PKIG: variants seen among roughly 807,000 people sequenced by gnomAD.
PKIG encodes the protein cAMP-dependent protein kinase inhibitor gamma, also known as protein kinase (cAMP-dependent, catalytic) inhibitor gamma.
Under a neutral mutation model 6.8 loss-of-function variants are expected in PKIG, and 1 was observed. That is an observed-to-expected ratio of 0.15 (90% CI 0.05 to 0.69). PKIG has a LOEUF of 0.69. PKIG is among the 30% of genes least tolerant of loss of function. PKIG has a pLI of 0.82. For synonymous variants in PKIG, 39 were observed against 43.0 expected, an observed-to-expected ratio of 0.91 and a Z score of 0.36; for missense variants, 77 against 104.0, an observed-to-expected ratio of 0.74 and a Z score of 1.13.
intron 3 of PKIG, among the ~76,000 whole-genome samples, 197 bp from the exon 4 acceptor site, chr20:44,618,088 A>T (rs999429895): frequency 6.6e-6 from 1 of 152,048 alleles, no homozygotes; most frequent in South Asian, 2.1e-4. Flanking sequence ...AACAAACACT[A>T]TGTGTATTTC....
chr20:44,549,484 G>A (rs2064648526), intron 1 of PKIG, among the ~76,000 whole-genome samples: 1 of 152,076 alleles, frequency 6.6e-6, no homozygotes, highest in South Asian at 2.1e-4. Flanking sequence ...ATCTCCAGTA[G>A]TCATCCAGCC....
intron 1 of PKIG, among the ~76,000 whole-genome samples, chr20:44,555,575 C>T (rs894049907): frequency 3.3e-5 from 5 of 152,128 alleles, no homozygotes; most frequent in Non-Finnish European, 7.4e-5. Flanking sequence ...TTAAGCTCAC[C>T]CACAGTTCTT....
chr20:44,576,704 A>G lies in PKIG; in HGVS notation c.-240-5881A>G, dbSNP rs941530908. Reference sequence around the variant, plus strand: ...ATGCTCCTTTCAGCTGCAAAAATCAATGAGTCCAAGACTGTTTAAAGTTAA... The same window carrying G: ...ATGCTCCTTTCAGCTGCAAAAATCAGTGAGTCCAAGACTGTTTAAAGTTAA... On this transcript the variant is annotated intron_variant, in intron 1 of 4. Coordinates refer to the PKIG transcript ENST00000372887. 2.6e-5 allele frequency among the ~76,000 whole-genome samples: 4 copies of G among 152,300 alleles called. No individual in the cohort carries two copies. In the South Asian group the frequency reaches 6.2e-4, roughly 24 times the overall value.
intron 1 of PKIG, among the ~76,000 whole-genome samples, chr20:44,541,080 G>C (rs548948495): frequency 1.3e-5 from 2 of 152,164 alleles, no homozygotes; most frequent in African/African-American, 4.8e-5. Flanking sequence ...GGAATTCAGC[G>C]GAGGGAGCCA....
intron 1 of PKIG, among the ~76,000 whole-genome samples, chr20:44,554,448 A>G (rs1028333409): frequency 2.0e-5 from 3 of 152,218 alleles, no homozygotes; most frequent in African/African-American, 4.8e-5. Flanking sequence ...GCATATACCT[A>G]TGTAACCAAC....
At chr20:44,588,537 G>T (rs748260821) in intron 1 of PKIG, among the ~76,000 whole-genome samples, 11 of 152,164 alleles carry the variant, frequency 7.2e-5, no homozygotes, top group Non-Finnish European at 1.0e-4. Flanking sequence ...CCAGCTACTT[G>T]GGAGGCTGAG....
chr20:44,574,799 ACC>A (rs2064882407), intron 1 of PKIG, among the ~76,000 whole-genome samples: 1 of 151,880 alleles, frequency 6.6e-6, no homozygotes, highest in Non-Finnish European at 1.5e-5. Flanking sequence ...CGAACTCCTG[ACC>A]TCAGGTGATC....
At chr20:44,571,224 AAATAAT>A (rs140802204) in intron 1 of PKIG, among the ~76,000 whole-genome samples, 6 of 150,196 alleles carry the variant, frequency 4.0e-5, no homozygotes, top group Admixed American at 6.7e-5. Flanking sequence ...AGAGAGACTC[AAATAAT>A]AATAATAATA....
At position 44,614,279 on chromosome 20, in the gene PKIG, T is replaced by C; in HGVS notation, c.-23-255T>C. The C allele has an allele frequency of 2.7e-6, 1 of 376,020 alleles. No homozygotes were observed. The highest frequency in any genetic ancestry group is 4.9e-6 in the Non-Finnish European group (1 of 204,390). The allele number at this position is 376,020 out of a possible 1,614,324, so 23.3% of individuals were successfully genotyped here. On this transcript the variant is annotated intron_variant, in intron 2 of 3. Coordinates refer to ENST00000372886, the MANE Select transcript of PKIG (RefSeq NM_001281445.2). The surrounding 1 kb of genome is among the most constrained non-coding windows in gnomAD (Gnocchi z 4.6). ...GGCGCATGGTATTAATAAATGTGTG[T>C]ACATGTTTGTCAATAATTTTATTTA...
intron 1 of PKIG, among the ~76,000 whole-genome samples, chr20:44,558,648 T>G (rs2064740373): frequency 6.7e-6 from 1 of 148,440 alleles, no homozygotes; most frequent in Admixed American, 6.8e-5. Flanking sequence ...CTTTTTTTCT[T>G]TCTCCTTCCT....
chr20:44,615,618 T>A (rs1246481479), intron 3 of PKIG, among the ~76,000 whole-genome samples: 1 of 149,278 alleles, frequency 6.7e-6, no homozygotes, highest in Non-Finnish European at 1.5e-5. Flanking sequence ...GGCCTTTCCC[T>A]CCTGCTCTCA....
intron 2 of PKIG, among the ~76,000 whole-genome samples, chr20:44,599,678 C>T (rs145785712): frequency 0.036 from 5,495 of 152,094 alleles, 128 homozygotes; most frequent in African/African-American, 0.058. Context: ...GCCAAGATCG[C>T]GCCGCTGCAC....
chr20:44,590,009 G>A (rs2065021868), intron 2 of PKIG, 143 bp downstream of exon 2: 2 of 152,238 alleles, frequency 1.3e-5, no homozygotes, highest in Non-Finnish European at 2.9e-5. Context: ...GAAAAGGCAG[G>A]ATGGCTCTTT....
intron 2 of PKIG, among the ~76,000 whole-genome samples, chr20:44,597,468 C>G (rs1320441009): frequency 1.3e-5 from 2 of 152,140 alleles, no homozygotes; most frequent in Non-Finnish European, 2.9e-5. Flanking sequence ...CTAGTATACA[C>G]TGAGGGATCA....
At chr20:44,550,318 A>G (rs1600844097) in intron 1 of PKIG, among the ~76,000 whole-genome samples, 1 of 152,046 alleles carries the variant, frequency 6.6e-6, no homozygotes, top group Non-Finnish European at 1.5e-5. Flanking sequence ...TATTGTAGTG[A>G]TGATACCGGC....
chr20:44,572,772 A>G (rs2123298647), intron 1 of PKIG, among the ~76,000 whole-genome samples: 1 of 152,248 alleles, frequency 6.6e-6, no homozygotes. Flanking sequence ...CACCAAGCTC[A>G]AGGCTCTTGT....
chr20:44,569,929 G>C (rs2123285431), intron 1 of PKIG, among the ~76,000 whole-genome samples: 1 of 152,316 alleles, frequency 6.6e-6, no homozygotes, highest in African/African-American at 2.4e-5. Context: ...AGAAGTTTGA[G>C]ACCAGCCTGG....
At chr20:44,558,574 T>TTTTCTTTCTCTTTCTTTC (rs1555835148) in intron 1 of PKIG, among the ~76,000 whole-genome samples, 1 of 131,900 alleles carries the variant, frequency 7.6e-6, no homozygotes, top group Non-Finnish European at 1.6e-5. Flanking sequence ...TTTTTTTCTT[T>TTTTCTTTCTCTTTCTTTC]TTTCTTTCTT....
At chr20:44,551,508 A>G (rs2064668357) in intron 1 of PKIG, among the ~76,000 whole-genome samples, 2 of 152,230 alleles carry the variant, frequency 1.3e-5, no homozygotes, top group Admixed American at 1.3e-4. Flanking sequence ...TTAAAAATCA[A>G]GCAGAGTAAA....
Sources: allele counts gnomAD v4.1 joint callset (sites outside exome capture counted in the v4.1 genomes callset), GRCh38; gene constraint gnomAD v4.1.1; non-coding constraint Gnocchi (gnomAD v3.1); transcripts MANE v1.5; gene names NCBI Gene and HGNC (gene_info 2026-07-23, HGNC 2026-07-21).